The following DLGAP1 variants were observed in gnomAD, a reference collection of about 807,000 sequenced individuals.
DLGAP1 encodes the protein disks large-associated protein 1.
Under a neutral mutation model 90.8 loss-of-function variants are expected in DLGAP1, and 11 were observed. The ratio of observed to expected loss-of-function variants is 0.12; its 90% CI spans 0.08 to 0.20. DLGAP1 has a LOEUF of 0.20. Ranked by LOEUF, DLGAP1 falls within the 10% of genes least tolerant of loss-of-function variation. The probability of loss-of-function intolerance (pLI) is 1.00; values close to 1 mark genes in which losing one functional copy is unlikely to be tolerated. For synonymous variants in DLGAP1, 558 were observed against 540.7 expected (o/e 1.03, Z -0.44); for missense variants, 1,050 against 1,333.8 (o/e 0.79, Z 3.31).
At chr18:4,061,127 C>T (rs4530234) in intron 2 of DLGAP1, among the ~76,000 whole-genome samples, 126,256 of 152,140 alleles carry the variant, frequency 0.83, 52,640 homozygotes, top group East Asian at 0.94. Context: ...TTAGAATTGC[C>T]TACTTACCAA....
chr18:3,532,578 C>CAA (rs376318276), intron 10 of DLGAP1, among the ~76,000 whole-genome samples: 8 of 86,364 alleles, frequency 9.3e-5, no homozygotes, highest in South Asian at 3.4e-4. Flanking sequence ...AACTCCATCT[C>CAA]AAAAAAAAAA....
intron 1 of DLGAP1, among the ~76,000 whole-genome samples, chr18:4,228,026 C>T (rs1167677336): frequency 6.6e-6 from 1 of 151,380 alleles, no homozygotes; most frequent in African/African-American, 2.4e-5. Context: ...GACTTTCAAC[C>T]CAATACCACT....
At chr18:3,943,182 C>G (rs766868924) in intron 3 of DLGAP1, among the ~76,000 whole-genome samples, 1 of 152,086 alleles carries the variant, frequency 6.6e-6, no homozygotes, top group Non-Finnish European at 1.5e-5. Flanking sequence ...CTCTTATTGT[C>G]TTCCCTTTCT....
In DLGAP1 at chr18:4,338,547, T is replaced by C. The variant is rs75781785; in HGVS notation, c.-267+116459A>G. On this transcript the variant is annotated intron_variant, in intron 1 of 12. Transcript: ENST00000315677. ...ATGTGTACTGAGTGCCTATTATTTA[T>C]CAGGAACTGTGGCTCAGAGAAAGTA... 8.8e-3 allele frequency among the ~76,000 whole-genome samples: 1,337 copies of C among 152,312 alleles called. 19 individuals are homozygous for C. The highest frequency in any genetic ancestry group is 0.031 in the African/African-American group (1,277 of 41,578).
At chr18:3,799,124 C>A (rs947541962) in intron 5 of DLGAP1, among the ~76,000 whole-genome samples, 1 of 152,202 alleles carries the variant, frequency 6.6e-6, no homozygotes, top group Non-Finnish European at 1.5e-5. Context: ...ATCCACCAGC[C>A]TTGGCTTCCT....
At chr18:3,907,270 G>A (rs1210859487) in intron 3 of DLGAP1, among the ~76,000 whole-genome samples, 1 of 152,080 alleles carries the variant, frequency 6.6e-6, no homozygotes, top group Non-Finnish European at 1.5e-5. Context: ...ATCTTTCCTA[G>A]CCTATATCCT....
chr18:3,720,144 G>A (rs2061920990), intron 7 of DLGAP1, among the ~76,000 whole-genome samples: 2 of 152,124 alleles, frequency 1.3e-5, no homozygotes, highest in South Asian at 4.1e-4. Context: ...AGGGATAAAA[G>A]CTAATTAAAC....
intron 5 of DLGAP1, among the ~76,000 whole-genome samples, chr18:3,751,810 G>C (rs555481234): frequency 6.6e-6 from 1 of 150,608 alleles, no homozygotes; most frequent in African/African-American, 2.4e-5. Flanking sequence ...TGATCTGCCT[G>C]CCTTGGCCTC....
At chr18:4,152,565 G>A (rs1385322107) in intron 1 of DLGAP1, among the ~76,000 whole-genome samples, 2 of 152,178 alleles carry the variant, frequency 1.3e-5, no homozygotes, top group Non-Finnish European at 2.9e-5. Context: ...AAAGTTCAGG[G>A]CTAGTACAAT....
chr18:4,338,856 T>C (rs951356012), intron 1 of DLGAP1, among the ~76,000 whole-genome samples: 1 of 152,158 alleles, frequency 6.6e-6, no homozygotes, highest in Non-Finnish European at 1.5e-5. Flanking sequence ...ACAGAGTCAT[T>C]TATTCAATGT....
chr18:4,170,425 T>C (rs1405293405), intron 1 of DLGAP1, among the ~76,000 whole-genome samples: 1 of 152,114 alleles, frequency 6.6e-6, no homozygotes, highest in Non-Finnish European at 1.5e-5. Context: ...CTGATTTATA[T>C]TATGGAAAAA....
chr18:4,329,206 G>A (rs562245), intron 1 of DLGAP1, among the ~76,000 whole-genome samples: 17,848 of 151,856 alleles, frequency 0.12, 1,356 homozygotes, highest in East Asian at 0.24. Context: ...ATGTGAGGTC[G>A]AGGTTTACTT....
At chr18:3,633,154 C>T (rs1003002897) in intron 7 of DLGAP1, among the ~76,000 whole-genome samples, 6 of 152,124 alleles carry the variant, frequency 3.9e-5, no homozygotes, top group Admixed American at 2.0e-4. Flanking sequence ...TCCCAGCACT[C>T]TGGGAGGCCA....
intron 1 of DLGAP1, among the ~76,000 whole-genome samples, chr18:4,201,464 C>T (rs1446375402): frequency 6.6e-6 from 1 of 152,074 alleles, no homozygotes; most frequent in African/African-American, 2.4e-5. Context: ...GTTCTCTATT[C>T]TGTTCCATTG....
At chr18:4,265,420 C>T (rs1422364815) in intron 1 of DLGAP1, among the ~76,000 whole-genome samples, 7 of 151,684 alleles carry the variant, frequency 4.6e-5, no homozygotes, top group South Asian at 2.1e-4. Context: ...CCTCCTGCCT[C>T]GGCCCCCCAA....
intron 3 of DLGAP1, among the ~76,000 whole-genome samples, chr18:3,940,644 T>C (rs1462486007): frequency 6.6e-6 from 1 of 152,206 alleles, no homozygotes; most frequent in Non-Finnish European, 1.5e-5. Flanking sequence ...AATCAAGTCG[T>C]ATAAAACTGG....
At chr18:3,807,519 C>T (rs2066623184) in intron 5 of DLGAP1, among the ~76,000 whole-genome samples, 3 of 152,210 alleles carry the variant, frequency 2.0e-5, no homozygotes, top group South Asian at 4.1e-4. Flanking sequence ...AAAGAAAACA[C>T]GTATGTAAAG....
At chr18:3,955,533 G>A (rs2148972754) in intron 3 of DLGAP1, among the ~76,000 whole-genome samples, 1 of 151,982 alleles carries the variant, frequency 6.6e-6, no homozygotes, top group African/African-American at 2.4e-5. Flanking sequence ...CCAACATGGA[G>A]AAACCCCGCC....
chr18:3,604,215 G>T (rs1046689609), intron 7 of DLGAP1: 1 of 152,294 alleles, frequency 6.6e-6, no homozygotes, highest in Non-Finnish European at 1.5e-5. Context: ...TGAAGCATCA[G>T]GTGAGTCTGA....
Sources: gnomAD v4.1 joint callset for allele counts (sites outside exome capture counted in the v4.1 genomes callset) on GRCh38, gnomAD v4.1.1 for gene constraint, MANE v1.5 for transcripts, NCBI Gene and HGNC (gene_info 2026-07-23, HGNC 2026-07-21) for gene names.